Variants in PRKCI observed in about 807,000 individuals in gnomAD.
The protein encoded by PRKCI is protein kinase C iota.
A neutral mutation model predicts 84.0 loss-of-function variants in PRKCI; 43 were observed. The ratio of observed to expected loss-of-function variants is 0.51; its 90% CI spans 0.40 to 0.66. The LOEUF (loss-of-function observed/expected upper bound fraction) is 0.66, where lower values mean the gene tolerates loss of function less well. PRKCI is among the 30% of genes least tolerant of loss of function. PRKCI has a pLI of 0.00. For synonymous variants in PRKCI, 216 were observed against 234.4 expected (o/e 0.92, Z 0.72); for missense variants, 459 against 745.6 (o/e 0.62, Z 4.48).
At chr3:170,242,183 C>T (rs1016270986) in intron 2 of PRKCI, among the ~76,000 whole-genome samples, 6 of 152,138 alleles carry the variant, frequency 3.9e-5, no homozygotes, top group African/African-American at 1.4e-4. Context: ...CTGGCCTTAG[C>T]CAGGAGTTGA....
Position 170,222,494 on chromosome 3 carries a change from G to A in PRKCI, c.-176G>A. The A allele has an allele frequency of 2.0e-6, 1 of 504,830 alleles. No homozygotes were observed. The highest frequency in any genetic ancestry group is 3.3e-6 in the Non-Finnish European group (1 of 300,508). 31.3% of individuals were successfully genotyped at this position (504,830 alleles called of 1,614,324 possible). A position where few individuals can be genotyped will look rare whatever the true frequency, so the allele number is the denominator to read the frequency against. On this transcript the variant is annotated 5_prime_UTR_variant, in exon 1 of 18. Transcript: ENST00000295797. ...GCCTACGGGCAGTGGGAGGAGCCGCGCGGTTCCGGCTGCTCCGGCGAGGCG... is the reference window on the plus strand; with the variant it reads ...GCCTACGGGCAGTGGGAGGAGCCGCACGGTTCCGGCTGCTCCGGCGAGGCG...
chr3:170,250,347 A>G (rs887154347), intron 2 of PRKCI, among the ~76,000 whole-genome samples: 3 of 151,944 alleles, frequency 2.0e-5, no homozygotes, highest in African/African-American at 7.2e-5. Context: ...TCACCAATGT[A>G]AAGTGTACAA....
At chr3:170,280,913 CA>C (rs1734227741) in intron 9 of PRKCI, among the ~76,000 whole-genome samples, 1 of 151,822 alleles carries the variant, frequency 6.6e-6, no homozygotes, top group Admixed American at 6.6e-5. Flanking sequence ...TTTAAAAAAA[CA>C]AAAATCAAAC....
chr3:170,259,801 T>C (rs111794766), intron 2 of PRKCI, among the ~76,000 whole-genome samples, 168 bp from the exon 3 acceptor site: 12,297 of 152,174 alleles, frequency 0.081, 1,199 homozygotes, highest in African/African-American at 0.23. Context: ...AGCAAAACTC[T>C]GTCTCCAAAT....
In PRKCI at chr3:170,278,332, C is replaced by T. The variant is rs545756634; in HGVS notation, c.706-1895C>T. 1.2e-4 allele frequency among the ~76,000 whole-genome samples: 18 copies of T among 152,160 alleles called. No individual in the cohort carries two copies. In the South Asian group the frequency reaches 3.1e-3, roughly 26 times the overall value. ...TTTCTTTTCACTCTGCTGTATTTAC[C>T]CTTGTGTGTTAGTCTGTTTTGTGTT... On this transcript the variant is annotated intron_variant, in intron 8 of 17. Coordinates refer to ENST00000295797, the MANE Select transcript of PRKCI (RefSeq NM_002740.6).
chr3:170,292,027 C>A, intron 13 of PRKCI, 86 bp downstream of exon 13: 1 of 892,446 alleles, frequency 1.1e-6, no homozygotes, highest in Non-Finnish European at 1.8e-6. Flanking sequence ...TACACTAATG[C>A]ATTTTGACGT....
intron 6 of PRKCI, among the ~76,000 whole-genome samples, chr3:170,271,741 C>T (rs1477717890): frequency 2.0e-5 from 3 of 152,150 alleles, no homozygotes; most frequent in East Asian, 3.9e-4. Flanking sequence ...TGATTAGATT[C>T]TGGGGTTGGT....
In PRKCI at chr3:170,303,913, C is replaced by T. The variant is rs1391607520; in HGVS notation, c.*786C>T. 2.4e-5 allele frequency: 4 copies of T among 169,230 alleles called. No individual in the cohort carries two copies. Among genetic ancestry groups the T allele is most frequent in the East Asian group, 1.1e-4 (1 of 8,700 alleles). The allele number at this position is 169,230 out of a possible 1,614,324, so 10.5% of individuals were successfully genotyped here. The stretch of plus-strand genomic sequence containing the variant: ...TCGGGAGGCTGAAACAGGAGAATCG[C>T]TTGAACCCAGGAGATGGAGTTGGCA... On this transcript the variant is annotated 3_prime_UTR_variant, in exon 18 of 18. Transcript: ENST00000295797.
intron 2 of PRKCI, 75 bp from the exon 3 acceptor site, chr3:170,259,894 A>G: frequency 1.4e-6 from 1 of 740,102 alleles, no homozygotes; most frequent in Non-Finnish European, 2.2e-6. Flanking sequence ...AAAAATTTAC[A>G]TTATGAAATT....
chr3:170,263,938 A>C (rs1484060228), intron 4 of PRKCI, among the ~76,000 whole-genome samples: 1 of 152,258 alleles, frequency 6.6e-6, no homozygotes, highest in Non-Finnish European at 1.5e-5. Flanking sequence ...TACAACTTAC[A>C]TGATTGCCTG....
chr3:170,265,318 A>G (rs1388448435), intron 4 of PRKCI, among the ~76,000 whole-genome samples: 1 of 152,226 alleles, frequency 6.6e-6, no homozygotes, highest in Non-Finnish European at 1.5e-5. Flanking sequence ...GAGAACCACC[A>G]TTTAAAAGCT....
intron 11 of PRKCI, among the ~76,000 whole-genome samples, chr3:170,282,566 G>A (rs1331688554): frequency 1.4e-4 from 21 of 151,402 alleles, no homozygotes; most frequent in African/African-American, 4.9e-4. Context: ...TCGTGGTGGC[G>A]GGTGCCTGTA....
intron 8 of PRKCI, 107 bp from the exon 9 acceptor site, chr3:170,280,120 G>T: frequency 3.0e-6 from 3 of 1,000,166 alleles, no homozygotes; most frequent in Non-Finnish European, 4.2e-6. Flanking sequence ...ATATTTTTAT[G>T]TTAGGAAAAT....
At chr3:170,294,352 T>C (rs562862559) in intron 14 of PRKCI, among the ~76,000 whole-genome samples, 57 of 152,318 alleles carry the variant, frequency 3.7e-4, no homozygotes, top group African/African-American at 1.3e-3. Context: ...AATTCTACAT[T>C]TAATAATTAA....
chr3:170,281,443 AT>A (rs1305845985), intron 10 of PRKCI, 180 bp downstream of exon 10: 2 of 562,714 alleles, frequency 3.6e-6, no homozygotes, highest in African/African-American at 3.8e-5. Flanking sequence ...TTAGATCAGC[AT>A]TAGGAAATGA....
intron 1 of PRKCI, among the ~76,000 whole-genome samples, chr3:170,234,901 C>G (rs936584525): frequency 1.7e-4 from 25 of 151,474 alleles, no homozygotes; most frequent in African/African-American, 5.6e-4. Flanking sequence ...CTCCCATGTT[C>G]CCCCCCTGAG....
At chr3:170,280,168 A>G in intron 8 of PRKCI, 59 bp from the exon 9 acceptor site, 1 of 1,394,310 alleles carries the variant, frequency 7.2e-7, no homozygotes, top group Non-Finnish European at 9.8e-7. Context: ...GGTGTTAGAA[A>G]TATAATGTAC....
chr3:170,293,772 CCTCCCGAGTAACTGGGATTACAGGCACA>C (rs777480407), intron 14 of PRKCI, among the ~76,000 whole-genome samples: 12 of 152,124 alleles, frequency 7.9e-5, no homozygotes, highest in South Asian at 4.1e-4. Flanking sequence ...TCTGCCTCAG[CCTCCCGAGTAACTGGGATTACAGGCACA>C]CTCCCGAGTA....
chr3:170,232,289 G>A (rs552232133), intron 1 of PRKCI, among the ~76,000 whole-genome samples: 119 of 152,216 alleles, frequency 7.8e-4, no homozygotes, highest in Non-Finnish European at 1.4e-3. Flanking sequence ...GTACCGAAGC[G>A]ATCCTCCCAC....
Sources: gnomAD v4.1 joint callset for allele counts (sites outside exome capture counted in the v4.1 genomes callset) on GRCh38, gnomAD v4.1.1 for gene constraint, MANE v1.5 for transcripts, NCBI Gene and HGNC (gene_info 2026-07-23, HGNC 2026-07-21) for gene names.